Variants in KCNB2 observed in about 807,000 individuals in gnomAD.
KCNB2 encodes the protein potassium voltage-gated channel subfamily B member 2.
Under a neutral mutation model 61.5 loss-of-function variants are expected in KCNB2, and 15 were observed. The ratio of observed to expected loss-of-function variants is 0.24; its 90% CI spans 0.16 to 0.38. The LOEUF (loss-of-function observed/expected upper bound fraction) is 0.38, where lower values mean the gene tolerates loss of function less well. KCNB2 is among the 10% of genes least tolerant of loss of function. KCNB2 has a pLI of 1.00. For synonymous variants in KCNB2, 457 were observed against 446.0 expected (o/e 1.02, Z -0.31); for missense variants, 828 against 1,125.2 (o/e 0.74, Z 3.78).
intron 2 of KCNB2, among the ~76,000 whole-genome samples, chr8:72,742,000 A>G (rs6996828): frequency 0.058 from 8,806 of 152,288 alleles, 864 homozygotes; most frequent in African/African-American, 0.2. Context: ...GTATCTACCC[A>G]GAGGAAAATA....
intron 2 of KCNB2, among the ~76,000 whole-genome samples, chr8:72,905,938 C>A (rs1378212917): frequency 3.3e-5 from 5 of 152,132 alleles, no homozygotes; most frequent in African/African-American, 1.2e-4. Context: ...AGGGTCACTG[C>A]CCATAGCAGG....
chr8:72,812,086 A>G (rs527690336), intron 2 of KCNB2, among the ~76,000 whole-genome samples: 6 of 152,178 alleles, frequency 3.9e-5, no homozygotes, highest in African/African-American at 1.4e-4. Context: ...ACATGGTGAA[A>G]TCCCGTCTCT....
At chr8:72,860,848 T>C (rs977369488) in intron 2 of KCNB2, among the ~76,000 whole-genome samples, 2 of 152,232 alleles carry the variant, frequency 1.3e-5, no homozygotes, top group Admixed American at 6.5e-5. Context: ...AAAAAGACTT[T>C]TGAAGGAAAA....
At chr8:72,787,233 A>ATTTTTTT in intron 2 of KCNB2, among the ~76,000 whole-genome samples, 1 of 148,492 alleles carries the variant, frequency 6.7e-6, no homozygotes, top group Non-Finnish European at 1.5e-5. Flanking sequence ...CGTCTCTATA[A>ATTTTTTT]TTTTTTTTTT....
intron 2 of KCNB2, among the ~76,000 whole-genome samples, chr8:72,825,330 A>T (rs1342737743): frequency 6.6e-6 from 1 of 152,092 alleles, no homozygotes; most frequent in African/African-American, 2.4e-5. Flanking sequence ...ACCTTTTTGT[A>T]TGTGTAAGTA....
At chr8:72,835,216 T>C (rs1441074056) in intron 2 of KCNB2, among the ~76,000 whole-genome samples, 2 of 152,240 alleles carry the variant, frequency 1.3e-5, no homozygotes, top group African/African-American at 4.8e-5. Context: ...AATGTAGTTG[T>C]GTTTTCAAGC....
At chr8:72,590,920 A>C (rs182609197) in intron 2 of KCNB2, among the ~76,000 whole-genome samples, 2 of 152,318 alleles carry the variant, frequency 1.3e-5, no homozygotes, top group Admixed American at 6.5e-5. Flanking sequence ...GCTTTCTTTT[A>C]ATTATAGTAG....
rs1215857942 is a variant in KCNB2, at chr8:72,893,141, A to T, written c.580-42794A>T. Among the ~76,000 whole-genome samples the T allele has an allele frequency of 2.0e-5, 3 of 150,748 alleles. No homozygotes were observed. In the East Asian group the frequency reaches 5.8e-4, roughly 29 times the overall value. ...CTAGATGGCCATGGCATGGTATATGATTTGCTATTTATGAAGAGATTTTGT... is the reference window on the plus strand; with the variant it reads ...CTAGATGGCCATGGCATGGTATATGTTTTGCTATTTATGAAGAGATTTTGT... On this transcript the variant is annotated intron_variant, in intron 2 of 2. Coordinates refer to ENST00000523207, the MANE Select transcript of KCNB2 (RefSeq NM_004770.3).
intron 2 of KCNB2, among the ~76,000 whole-genome samples, chr8:72,699,501 T>A (rs1008739705): frequency 6.6e-6 from 1 of 152,202 alleles, no homozygotes; most frequent in African/African-American, 2.4e-5. Context: ...ATTAGACATT[T>A]GTCAGATGGG....
chr8:72,718,591 A>G (rs966918977), intron 2 of KCNB2, among the ~76,000 whole-genome samples: 4 of 148,706 alleles, frequency 2.7e-5, no homozygotes, highest in Non-Finnish European at 4.5e-5. Flanking sequence ...GCATGTTCTC[A>G]CTCATAGGTG....
chr8:72,725,603 A>ATGTATATATATATATATATATATATG (rs1438518658), intron 2 of KCNB2, among the ~76,000 whole-genome samples: 1 of 110,974 alleles, frequency 9.0e-6, no homozygotes, highest in African/African-American at 4.5e-5. Context: ...ATATATATAT[A>ATGTATATATATATATATATATATATG]TATATATATA....
intron 2 of KCNB2, among the ~76,000 whole-genome samples, chr8:72,735,428 A>G (rs983797055): frequency 4.6e-5 from 7 of 152,196 alleles, no homozygotes; most frequent in African/African-American, 1.7e-4. Flanking sequence ...AAATCTGTAC[A>G]TCACCCTTGA....
chr8:72,601,317 T>C (rs1805348483), intron 2 of KCNB2, among the ~76,000 whole-genome samples: 2 of 152,178 alleles, frequency 1.3e-5, no homozygotes, highest in African/African-American at 4.8e-5. Context: ...ACTTTAGTAA[T>C]TAAGTTGTTA....
intron 1 of KCNB2, among the ~76,000 whole-genome samples, chr8:72,564,822 A>G (rs1563524452): frequency 1.3e-5 from 2 of 152,198 alleles, no homozygotes; most frequent in Non-Finnish European, 2.9e-5. Flanking sequence ...ATGTAAAGAG[A>G]AAACTTAAAA....
chr8:72,790,653 G>GT (rs899068377), intron 2 of KCNB2, among the ~76,000 whole-genome samples: 4 of 151,826 alleles, frequency 2.6e-5, no homozygotes, highest in African/African-American at 7.3e-5. Flanking sequence ...AGAACGGGTG[G>GT]TTTTTTTTCT....
chr8:72,818,334 T>C (rs1160179014), intron 2 of KCNB2, among the ~76,000 whole-genome samples: 5 of 152,186 alleles, frequency 3.3e-5, no homozygotes, highest in Non-Finnish European at 7.3e-5. Flanking sequence ...TGCATCCAAA[T>C]CCAATATTGT....
chr8:72,589,141 C>G (rs1340606602), intron 2 of KCNB2, among the ~76,000 whole-genome samples: 2 of 152,056 alleles, frequency 1.3e-5, no homozygotes, highest in Admixed American at 1.3e-4. Flanking sequence ...GAGCCCACAC[C>G]AACAGTTTAT....
chr8:72,721,392 CCTCTT>C (rs1430741231), intron 2 of KCNB2, among the ~76,000 whole-genome samples: 3 of 152,232 alleles, frequency 2.0e-5, no homozygotes, highest in African/African-American at 7.2e-5. Flanking sequence ...AGGACAAAGA[CCTCTT>C]CTCTTTATTC....
chr8:72,842,267 C>T (rs1315506961), intron 2 of KCNB2, among the ~76,000 whole-genome samples: 1 of 152,202 alleles, frequency 6.6e-6, no homozygotes, highest in Non-Finnish European at 1.5e-5. Context: ...ATCAGGCTTG[C>T]ATCCCTGGGA....
Sources: gnomAD v4.1 joint callset for allele counts (sites outside exome capture counted in the v4.1 genomes callset) on GRCh38, gnomAD v4.1.1 for gene constraint, MANE v1.5 for transcripts, NCBI Gene and HGNC (gene_info 2026-07-23, HGNC 2026-07-21) for gene names.